Variants in EFNA5 observed in about 807,000 individuals in gnomAD.
EFNA5 encodes ephrin A5, also known as ephrin-A5.
Under a neutral mutation model 22.9 loss-of-function variants are expected in EFNA5, and 5 were observed. That is an observed-to-expected ratio of 0.22 (90% CI 0.11 to 0.46). EFNA5 has a LOEUF of 0.46. EFNA5 is among the 20% of genes least tolerant of loss of function. The pLI, the probability that EFNA5 is intolerant of heterozygous loss-of-function variation, is 0.99. For missense variants in EFNA5, 237 were observed against 293.3 expected, an observed-to-expected ratio of 0.81 and a Z score of 1.40; for synonymous variants, 113 against 112.2, an observed-to-expected ratio of 1.01 and a Z score of -0.04.
At chr5:107,571,094 C>T (rs1209483610) in intron 1 of EFNA5, among the ~76,000 whole-genome samples, 1 of 152,130 alleles carries the variant, frequency 6.6e-6, no homozygotes, top group Non-Finnish European at 1.5e-5. Flanking sequence ...GAGAACTAAT[C>T]CAAGAATGGG....
chr5:107,450,738 T>C (rs1294043320), intron 1 of EFNA5, among the ~76,000 whole-genome samples: 4 of 152,220 alleles, frequency 2.6e-5, no homozygotes, highest in African/African-American at 7.2e-5. Context: ...TGGGGGTGTT[T>C]AGAATTCTAA....
chr5:107,574,947 C>T (rs1334648623), intron 1 of EFNA5, among the ~76,000 whole-genome samples: 1 of 152,126 alleles, frequency 6.6e-6, no homozygotes, highest in African/African-American at 2.4e-5. Context: ...GATTTATGCC[C>T]ATCATCAGTG....
At chr5:107,499,897 G>A (rs1053996672) in intron 1 of EFNA5, among the ~76,000 whole-genome samples, 3 of 152,268 alleles carry the variant, frequency 2.0e-5, no homozygotes, top group South Asian at 2.1e-4. Context: ...TGTAAAGCTA[G>A]CAACACCAAC....
chr5:107,574,685 G>A (rs1226335951), intron 1 of EFNA5, among the ~76,000 whole-genome samples: 1 of 152,144 alleles, frequency 6.6e-6, no homozygotes, highest in African/African-American at 2.4e-5. Context: ...CTATATGGAA[G>A]GGGGGAAAAA....
intron 1 of EFNA5, among the ~76,000 whole-genome samples, chr5:107,500,020 A>T (rs1280034799): frequency 1.3e-5 from 2 of 152,200 alleles, no homozygotes; most frequent in Non-Finnish European, 2.9e-5. Context: ...TGCAGAAAGG[A>T]ATCCACAGCA....
intron 1 of EFNA5, among the ~76,000 whole-genome samples, chr5:107,553,286 T>C (rs1334354278): frequency 2.0e-5 from 3 of 152,158 alleles, no homozygotes; most frequent in Non-Finnish European, 4.4e-5. Context: ...CCAGTGACCC[T>C]GCCATGGCTC....
intron 1 of EFNA5, among the ~76,000 whole-genome samples, chr5:107,465,525 A>C (rs1749951762): frequency 2.0e-5 from 3 of 152,192 alleles, no homozygotes; most frequent in African/African-American, 7.2e-5. Flanking sequence ...CCAATATGAC[A>C]GCAAAGCTGA....
chr5:107,552,984 A>G (rs1365484632), intron 1 of EFNA5, among the ~76,000 whole-genome samples: 1 of 152,188 alleles, frequency 6.6e-6, no homozygotes, highest in Non-Finnish European at 1.5e-5. Context: ...TGTAAACTGC[A>G]AAAGGATAAA....
Position 107,377,126 on chromosome 5 carries a change from C to G in EFNA5, c.*4129G>C, listed in dbSNP as rs376735532. On this transcript the variant is annotated 3_prime_UTR_variant, in exon 5 of 5. Coordinates refer to ENST00000333274, the MANE Select transcript of EFNA5 (RefSeq NM_001962.3). ...CACGGAGCTGGACTTCACACCCAGA[C>G]GCACACACAATGAGTGGCTTCAATG... The G allele has an allele frequency of 6.6e-6, 1 of 152,088 alleles. No individual in the cohort carries two copies. Among genetic ancestry groups the G allele is most frequent in the Non-Finnish European group, 1.5e-5 (1 of 68,042 alleles). 9.4% of individuals were successfully genotyped at this position (152,088 alleles called of 1,614,324 possible).
chr5:107,469,252 AG>A (rs1390921990), intron 1 of EFNA5, among the ~76,000 whole-genome samples: 1 of 152,142 alleles, frequency 6.6e-6, no homozygotes, highest in Non-Finnish European at 1.5e-5. Context: ...TTACACTTTC[AG>A]GCCCCTAAGA....
chr5:107,448,702 C>T (rs997786087), intron 1 of EFNA5, among the ~76,000 whole-genome samples: 2 of 151,700 alleles, frequency 1.3e-5, no homozygotes, highest in Non-Finnish European at 2.9e-5. Flanking sequence ...TGGTGGTGTG[C>T]GCCTGTAATC....
chr5:107,639,666 T>C (rs1162503878), intron 1 of EFNA5, among the ~76,000 whole-genome samples: 1 of 152,182 alleles, frequency 6.6e-6, no homozygotes, highest in East Asian at 1.9e-4. Flanking sequence ...CTGGTAGTAG[T>C]ATTTTTTTTC....
chr5:107,424,126 A>G (rs1748742491), intron 2 of EFNA5, among the ~76,000 whole-genome samples: 1 of 151,226 alleles, frequency 6.6e-6, no homozygotes, highest in Admixed American at 6.6e-5. Context: ...AGTCTTCACT[A>G]TACTTAAGCC....
intron 1 of EFNA5, among the ~76,000 whole-genome samples, chr5:107,592,957 G>A (rs1490469424): frequency 6.6e-6 from 1 of 152,214 alleles, no homozygotes; most frequent in Non-Finnish European, 1.5e-5. Context: ...TGAGGAAGCA[G>A]TGATGAGGCA....
At chr5:107,647,276 T>C (rs1296911334) in intron 1 of EFNA5, among the ~76,000 whole-genome samples, 1 of 152,170 alleles carries the variant, frequency 6.6e-6, no homozygotes, top group Non-Finnish European at 1.5e-5. Flanking sequence ...GTAGCTACTA[T>C]ATACACTTTC....
chr5:107,533,224 G>A (rs563502984), intron 1 of EFNA5, among the ~76,000 whole-genome samples: 2 of 152,228 alleles, frequency 1.3e-5, no homozygotes, highest in East Asian at 3.9e-4. Context: ...TCATCCTATT[G>A]TCTCTCACCT....
At chr5:107,665,677 A>G (rs555010053) in intron 1 of EFNA5, among the ~76,000 whole-genome samples, 19 of 152,182 alleles carry the variant, frequency 1.2e-4, no homozygotes, top group Non-Finnish European at 2.2e-4. Context: ...CAGACAGTTG[A>G]GTATTTCTGA....
At chr5:107,536,170 T>C (rs186792259) in intron 1 of EFNA5, among the ~76,000 whole-genome samples, 2 of 152,340 alleles carry the variant, frequency 1.3e-5, no homozygotes, top group East Asian at 3.9e-4. Flanking sequence ...TCTATTTCTT[T>C]TCAACATTCT....
At chr5:107,576,648 T>C (rs543691058) in intron 1 of EFNA5, among the ~76,000 whole-genome samples, 48 of 152,220 alleles carry the variant, frequency 3.2e-4, no homozygotes, top group Non-Finnish European at 5.3e-4. Context: ...TTATCCAGCA[T>C]GTTGGAGCAG....
Sources: allele counts gnomAD v4.1 joint callset (sites outside exome capture counted in the v4.1 genomes callset), GRCh38; gene constraint gnomAD v4.1.1; transcripts MANE v1.5; gene names NCBI Gene and HGNC (gene_info 2026-07-23, HGNC 2026-07-21).